The following MTRR variants were observed in gnomAD, a reference collection of about 807,000 sequenced individuals.
MTRR encodes the protein 5-methyltetrahydrofolate-homocysteine methyltransferase reductase, also known as methionine synthase reductase.
In MTRR, 63 loss-of-function variants were observed where a neutral mutation model predicts 79.2. The ratio of observed to expected loss-of-function variants is 0.80; its 90% CI spans 0.65 to 0.98. The LOEUF (loss-of-function observed/expected upper bound fraction) is 0.98. Among genes scored for constraint, MTRR ranks in the 50% least tolerant of loss-of-function variants. The probability of loss-of-function intolerance (pLI) is 0.00; values close to 1 mark genes in which losing one functional copy is unlikely to be tolerated. For missense variants in MTRR, 895 were observed against 839.6 expected (o/e 1.07, Z -0.82); for synonymous variants, 355 against 313.3 (o/e 1.13, Z -1.41).
rs1737148739 is a variant in MTRR at position 7,889,276 on chromosome 5, G to A, written c.1327+1G>A. 1 of 1,612,342 alleles carries A rather than the reference G, an allele frequency of 6.2e-7. No homozygotes were observed. Among genetic ancestry groups the A allele is most frequent in the African/African-American group, 1.3e-5 (1 of 74,850 alleles). ...CAGCCACCACTCAGTCTCCTGCTCG[G>A]TGAGTAGTCGCTTTCACAAGCACCT... On this transcript the variant is annotated splice_donor_variant, in intron 9 of 14. Coordinates refer to ENST00000440940, the MANE Select transcript of MTRR (RefSeq NM_002454.3). LOFTEE classifies it high-confidence loss of function.
chr5:7,888,999 G>A lies in MTRR; in HGVS notation c.1147-96G>A, dbSNP rs1252998418. ...TAGTGGCTTTCTCATTTTTTCTTGG[G>A]TAATTGGGTGCATCCCTAGGCAGAC... is the stretch of plus-strand genomic sequence containing the variant. On this transcript the variant is annotated intron_variant, in intron 8 of 14. Transcript: ENST00000440940. The A allele has an allele frequency of 1.1e-5, 15 of 1,413,674 alleles. No individual in the cohort carries two copies. In the Admixed American group the frequency reaches 2.1e-4, roughly 20 times the overall value. 87.6% of individuals were successfully genotyped at this position (1,413,674 alleles called of 1,614,324 possible). A position where few individuals can be genotyped will look rare whatever the true frequency, so the allele number is the denominator to read the frequency against.
intron 4 of MTRR, among the ~76,000 whole-genome samples, chr5:7,876,292 C>G (rs1309333823): frequency 2.0e-5 from 3 of 152,112 alleles, no homozygotes; most frequent in African/African-American, 7.2e-5. Flanking sequence ...GTGACATTTC[C>G]TTGGGAATTC....
In MTRR at chr5:7,900,218, C is replaced by A. The variant is rs1197548125; in HGVS notation, c.*160C>A. ...TGGATCATTTAACAATATAACAAAA[C>A]TTCCTGATTTGATTTTACGTATCTT... On this transcript the variant is annotated 3_prime_UTR_variant, in exon 15 of 15. Transcript: ENST00000440940. 4.7e-5 allele frequency: 38 copies of A among 816,132 alleles called. No homozygotes were observed. Among genetic ancestry groups the A allele is most frequent in the Non-Finnish European group, 7.6e-6 (4 of 527,856 alleles). The allele number at this position is 816,132 out of a possible 1,614,324, so 50.6% of individuals were successfully genotyped here.
intron 5 of MTRR, 27 bp from the exon 6 acceptor site, chr5:7,883,128 T>C (rs778304351): frequency 6.2e-7 from 1 of 1,614,104 alleles, no homozygotes; most frequent in African/African-American, 1.3e-5. Flanking sequence ...AAATTGCACT[T>C]ACGTTTTGTC....
chr5:7,886,592 C>G (rs1273701684), intron 7 of MTRR, 23 bp from the exon 8 acceptor site: 1 of 1,558,080 alleles, frequency 6.4e-7, no homozygotes, highest in South Asian at 1.1e-5. Context: ...TCATGAACCC[C>G]TTTCCCGTCT....
rs772608494 is a variant in MTRR, at chr5:7,886,704, G to A, written c.1146+1G>A. The A allele has an allele frequency of 6.2e-7, 1 of 1,606,656 alleles. No individual in the cohort carries two copies. Among genetic ancestry groups the A allele is most frequent in the South Asian group, 1.1e-5 (1 of 90,922 alleles). ...TGAAATCCGAGCAATTCCTAAAAAG[G>A]TATTTTTTTCTGTCTTCTTCAGGTA... On this transcript the variant is annotated splice_donor_variant, in intron 8 of 14. Coordinates refer to ENST00000440940, the MANE Select transcript of MTRR (RefSeq NM_002454.3). LOFTEE classifies it high-confidence loss of function.
rs576007643 is a variant in MTRR at position 7,877,612 on chromosome 5, A to G, written c.402-332A>G. On this transcript the variant is annotated intron_variant, in intron 4 of 14. Transcript: ENST00000440940. ...CTGTTAGCATTAGTATGCCTATTTA[A>G]AATTATATCTTCTTAAAATAAAGTT... 5.9e-5 allele frequency among the ~76,000 whole-genome samples: 9 copies of G among 152,202 alleles called. 2 individuals are homozygous for G. Among genetic ancestry groups the G allele is most frequent in the African/African-American group, 1.9e-4 (8 of 41,530 alleles).
chr5:7,867,241 G>A (rs1321444317), upstream of MTRR: 2 of 1,613,786 alleles, frequency 1.2e-6, no homozygotes, highest in Non-Finnish European at 1.7e-6. Flanking sequence ...GGGAAAAGTT[G>A]TTTATCTTAT....
intron 11 of MTRR, 145 bp downstream of exon 11, chr5:7,893,058 A>G: frequency 1.1e-6 from 1 of 945,296 alleles, no homozygotes; most frequent in Non-Finnish European, 1.6e-6. Flanking sequence ...CTATTGCAAG[A>G]GCAGAAAACT....
intron 8 of MTRR, among the ~76,000 whole-genome samples, chr5:7,888,421 A>T (rs1199035528): frequency 6.6e-6 from 1 of 152,228 alleles, no homozygotes; most frequent in Non-Finnish European, 1.5e-5. Flanking sequence ...TTATTGGTAG[A>T]TGTTTTTATT....
intron 8 of MTRR, among the ~76,000 whole-genome samples, chr5:7,888,746 A>C (rs1240525536): frequency 6.6e-6 from 1 of 152,206 alleles, no homozygotes; most frequent in Non-Finnish European, 1.5e-5. Flanking sequence ...GTTCCTAAAG[A>C]GCCCTTGAGA....
chr5:7,850,927 G>A, upstream of MTRR: 1 of 1,359,466 alleles, frequency 7.4e-7, no homozygotes, highest in Non-Finnish European at 9.5e-7. Flanking sequence ...GCGCCGCGGC[G>A]GGATGTAGCT....
intron 1 of MTRR, chr5:7,870,150 C>T: frequency 1.2e-6 from 1 of 856,664 alleles, no homozygotes; most frequent in Non-Finnish European, 1.4e-6. Flanking sequence ...TCGTTATATG[C>T]ACCCGTTTGT....
chr5:7,884,040 G>A lies in MTRR; in HGVS notation c.903+763G>A, dbSNP rs181008521. Among the ~76,000 whole-genome samples the A allele has an allele frequency of 4.6e-5, 7 of 152,256 alleles. No homozygotes were observed. The East Asian group carries it at 9.7e-4, about 21-fold the overall frequency. ...GTAGCTGGGCATGGTGGTGTGTACC[G>A]ATGGTCCCAGCTACTTGGGAGGCTG... On this transcript the variant is annotated intron_variant, in intron 6 of 14. Transcript: ENST00000440940.
At chr5:7,858,706 TCCTC>T (rs982731335) in intron 1 of MTRR, among the ~76,000 whole-genome samples, 4 of 151,968 alleles carry the variant, frequency 2.6e-5, no homozygotes, top group Admixed American at 6.6e-5. Flanking sequence ...ATTGTATCCC[TCCTC>T]CCTCCTTCAA....
At chr5:7,865,770 G>A (rs141648178), upstream of MTRR, 1 of 663,778 alleles carries the variant, frequency 1.5e-6, no homozygotes, top group East Asian at 2.5e-5. Context: ...AAGCCTATCT[G>A]GTGGCAACTG....
intron 9 of MTRR, chr5:7,890,144 C>G (rs1336838404): frequency 3.6e-6 from 2 of 551,266 alleles, no homozygotes; most frequent in African/African-American, 4.1e-5. Context: ...TTTGGTGACA[C>G]CAAAATGTAT....
chr5:7,899,845 T>C, intron 14 of MTRR, 69 bp from the exon 15 acceptor site: 1 of 1,579,144 alleles, frequency 6.3e-7, no homozygotes, highest in Non-Finnish European at 8.7e-7. Flanking sequence ...GGAATTAGAC[T>C]TGTGAATTAA....
rs1734840295 is a variant in MTRR, at chr5:7,877,869, T to C, written c.402-75T>C. 1.1e-5 allele frequency: 17 copies of C among 1,590,214 alleles called. No homozygotes were observed. The South Asian group carries it at 1.9e-4, about 18-fold the overall frequency. Reference sequence around the variant, plus strand: ...TGCATACTTTGCCAAATGGACAGACTGTCATTATCCTGTTCTGTGTTCAGA... The same window carrying C: ...TGCATACTTTGCCAAATGGACAGACCGTCATTATCCTGTTCTGTGTTCAGA... On this transcript the variant is annotated intron_variant, in intron 4 of 14. Coordinates refer to ENST00000440940, the MANE Select transcript of MTRR (RefSeq NM_002454.3).
Sources: gnomAD v4.1 joint callset for allele counts (sites outside exome capture counted in the v4.1 genomes callset) on GRCh38, gnomAD v4.1.1 for gene constraint, MANE v1.5 for transcripts, NCBI Gene and HGNC (gene_info 2026-07-23, HGNC 2026-07-21) for gene names.